The following EPM2A variants were observed in gnomAD, a reference collection of about 807,000 sequenced individuals.
EPM2A encodes the protein EPM2A glucan phosphatase, laforin, also known as laforin.
A neutral mutation model predicts 26.5 loss-of-function variants in EPM2A; 21 were observed. The observed-to-expected ratio is 0.79, with a 90% CI of 0.56 to 1.14. The LOEUF is 1.14. Among genes scored for constraint, EPM2A ranks in the 50% most tolerant of loss-of-function variants. The probability of loss-of-function intolerance (pLI) is 0.00; values close to 1 mark genes in which losing one functional copy is unlikely to be tolerated. For missense variants in EPM2A, 458 were observed against 440.8 expected (o/e 1.04, Z -0.35); for synonymous variants, 217 against 177.6 (o/e 1.22, Z -1.76).
chr6:145,649,389 G>A (rs1380379408), intron 2 of EPM2A, among the ~76,000 whole-genome samples: 13 of 152,188 alleles, frequency 8.5e-5, no homozygotes, highest in Admixed American at 8.5e-4. Context: ...GAATGGTTCT[G>A]AGCGCTTAGC....
chr6:145,383,758 C>T (rs940977237), exon 5 of EPM2A: 1 of 152,156 alleles, frequency 6.6e-6, no homozygotes, highest in Non-Finnish European at 1.5e-5. Context: ...TAAATAAAAA[C>T]ATAAGACACA....
rs186666242 is a variant in EPM2A at position 145,675,976 on chromosome 6, T to C, written c.476+10146A>G. ...CTTTTCACCCAAAATCAACAGAATA[T>C]ACATTCTTCTCAGCACCATATCGCA... On this transcript the variant is annotated intron_variant, in intron 2 of 3. Coordinates refer to ENST00000367519, the MANE Select transcript of EPM2A (RefSeq NM_005670.4). Among the ~76,000 whole-genome samples, 4 of 152,276 alleles carry C rather than the reference T, an allele frequency of 2.6e-5. No individual in the cohort carries two copies. The East Asian group carries it at 7.7e-4, about 29-fold the overall frequency.
At chr6:145,408,430 C>A (rs1778599214) in intron 4 of EPM2A, among the ~76,000 whole-genome samples, 1 of 152,108 alleles carries the variant, frequency 6.6e-6, no homozygotes, top group Non-Finnish European at 1.5e-5. Context: ...TAGGTTGAGA[C>A]CAGTTGGTTG....
intron 1 of EPM2A, chr6:145,705,612 A>C (rs1354891822): frequency 2.2e-6 from 1 of 455,128 alleles, no homozygotes; most frequent in African/African-American, 2.0e-5. Context: ...GTTAGAGTTC[A>C]TTATAGATTG....
At chr6:145,400,404 C>T (rs770778878) in intron 4 of EPM2A, among the ~76,000 whole-genome samples, 3 of 152,144 alleles carry the variant, frequency 2.0e-5, no homozygotes, top group Non-Finnish European at 4.4e-5. Flanking sequence ...AGCCCATTAC[C>T]TCTTTCTTAA....
Position 145,422,762 on chromosome 6 carries a change from A to T in EPM2A, c.556-38665T>A, listed in dbSNP as rs1025385092. Among the ~76,000 whole-genome samples the T allele has an allele frequency of 2.6e-5, 4 of 152,056 alleles. No homozygotes were observed. In the East Asian group the frequency reaches 7.7e-4, roughly 29 times the overall value. ...AGAATTTTGTTATTTTTATCCTACT[A>T]TTCCCCTATTCCTTAGGTTGTTTTC... On this transcript the variant is annotated intron_variant, in intron 4 of 4. Transcript: ENST00000638717.
At chr6:145,613,927 C>A (rs557157767) in intron 2 of EPM2A, among the ~76,000 whole-genome samples, 4 of 152,296 alleles carry the variant, frequency 2.6e-5, no homozygotes, top group African/African-American at 7.2e-5. Context: ...TACAGTAGCA[C>A]CTGACAAGAG....
At position 145,735,414 on chromosome 6, in the gene EPM2A, G is replaced by C. The variant is rs2128649886; in HGVS notation, c.85C>G (p.Leu29Val). 1 of 1,252,490 alleles carries C rather than the reference G, an allele frequency of 8.0e-7. No individual in the cohort carries two copies. 77.6% of individuals were successfully genotyped at this position (1,252,490 alleles called of 1,614,324 possible). A position where few individuals can be genotyped will look rare whatever the true frequency, so the allele number is the denominator to read the frequency against. ...ELLVVGSRPE[L>V]GRWEPRGAVR... ...GCACCGCGCGGCTCCCAACGCCCCA[G>C]CTCGGGCCGCGACCCCACCACCAGC... Residue 29 changes from leucine to valine, a missense_variant, in exon 1 of 4, where the codon CTG becomes GTG. Leu to Val is a conservative substitution (Grantham distance 32). Coordinates refer to ENST00000367519, the MANE Select transcript of EPM2A (RefSeq NM_005670.4).
chr6:145,555,519 A>G (rs1019053781), intron 2 of EPM2A, among the ~76,000 whole-genome samples: 1 of 152,256 alleles, frequency 6.6e-6, no homozygotes, highest in African/African-American at 2.4e-5. Flanking sequence ...TTGCAAAGCT[A>G]TCAGTGTGGA....
intron 2 of EPM2A, among the ~76,000 whole-genome samples, chr6:145,651,307 TGG>T (rs1562443930): frequency 6.6e-6 from 1 of 152,234 alleles, no homozygotes; most frequent in Non-Finnish European, 1.5e-5. Context: ...TTTAAAATGA[TGG>T]TGATTAAGTA....
Position 145,507,008 on chromosome 6 carries a change from A to G in EPM2A, c.341-4433T>C, listed in dbSNP as rs546549357. Among the ~76,000 whole-genome samples, 28 of 152,320 alleles carry G rather than the reference A, an allele frequency of 1.8e-4. No individual in the cohort carries two copies. The South Asian group carries it at 5.4e-3, about 29-fold the overall frequency. On this transcript the variant is annotated intron_variant, in intron 2 of 3. Transcript: ENST00000450221. Reference sequence around the variant, plus strand: ...TGAAATTGTTGAGCTTGTTAAATATACAGACATTTTCCACCTCCAAAGTGC... The same window carrying G: ...TGAAATTGTTGAGCTTGTTAAATATGCAGACATTTTCCACCTCCAAAGTGC...
chr6:145,443,931 C>T (rs1038609833), intron 4 of EPM2A, among the ~76,000 whole-genome samples: 1 of 152,190 alleles, frequency 6.6e-6, no homozygotes, highest in Non-Finnish European at 1.5e-5. Flanking sequence ...TTGCCTTATG[C>T]CATGATTGTG....
chr6:145,657,271 G>A (rs1778368878), intron 2 of EPM2A, among the ~76,000 whole-genome samples: 1 of 151,840 alleles, frequency 6.6e-6, no homozygotes, highest in Non-Finnish European at 1.5e-5. Flanking sequence ...TGTATTTTTG[G>A]TAGAGACGGA....
intron 2 of EPM2A, among the ~76,000 whole-genome samples, chr6:145,600,310 C>G (rs147034858): frequency 9.1e-4 from 138 of 152,296 alleles, no homozygotes; most frequent in African/African-American, 3.1e-3. Flanking sequence ...TTGGTACCAT[C>G]CCTACCTAGT....
intron 2 of EPM2A, among the ~76,000 whole-genome samples, chr6:145,527,707 G>T (rs1010108518): frequency 3.9e-5 from 6 of 152,020 alleles, no homozygotes; most frequent in Admixed American, 3.9e-4. Flanking sequence ...AGAAGGATGG[G>T]TTTTGTTTTG....
intron 2 of EPM2A, among the ~76,000 whole-genome samples, chr6:145,558,269 G>C (rs562204949): frequency 6.6e-6 from 1 of 152,064 alleles, no homozygotes; most frequent in East Asian, 1.9e-4. Flanking sequence ...GGCCTCTCTA[G>C]CTTCATGGAA....
At position 145,422,082 on chromosome 6, in the gene EPM2A, G is replaced by T. The variant is rs534514322; in HGVS notation, c.556-37985C>A. On this transcript the variant is annotated intron_variant, in intron 4 of 4. Coordinates refer to the EPM2A transcript ENST00000638717. ...GTATATATATATATATATATAGAGA[G>T]AGAGAGAGAGATAATATATATATAC... Among the ~76,000 whole-genome samples the T allele has an allele frequency of 7.7e-3, 1,092 of 142,118 alleles. 14 individuals carry two copies. Among genetic ancestry groups the T allele is most frequent in the African/African-American group, 0.016 (634 of 39,770 alleles). 93.2% of individuals were successfully genotyped at this position (142,118 alleles called of 152,430 possible).
intron 4 of EPM2A, among the ~76,000 whole-genome samples, chr6:145,488,520 T>TGAGA (rs1215856544): frequency 1.8e-4 from 24 of 136,610 alleles, no homozygotes; most frequent in East Asian, 1.7e-3. Context: ...TGTGTGTGTG[T>TGAGA]GTGAGAGAGA....
chr6:145,731,629 G>T lies in EPM2A; in HGVS notation c.301+3569C>A, dbSNP rs148826953. ...ATCACACACCAAGGCCTGTTGGTGG[G>T]TGGGGGTTGAGGGGAGGGAACTTAG... On this transcript the variant is annotated intron_variant, in intron 1 of 3. Coordinates refer to ENST00000367519, the MANE Select transcript of EPM2A (RefSeq NM_005670.4). 1.7e-3 allele frequency among the ~76,000 whole-genome samples: 254 copies of T among 152,276 alleles called. 2 individuals are homozygous for T. The highest frequency in any genetic ancestry group is 5.9e-3 in the African/African-American group (246 of 41,544).
Sources: allele counts gnomAD v4.1 joint callset (sites outside exome capture counted in the v4.1 genomes callset), GRCh38; gene constraint gnomAD v4.1.1; transcripts MANE v1.5; gene names NCBI Gene and HGNC (gene_info 2026-07-23, HGNC 2026-07-21).